Variants in IQCM observed in about 807,000 individuals in gnomAD.
IQCM encodes the protein IQ domain-containing protein M.
A neutral mutation model predicts 57.6 loss-of-function variants in IQCM; 45 were observed. The observed-to-expected ratio is 0.78, with a 90% confidence interval of 0.62 to 1.00. The LOEUF is 1.00. Ranked by LOEUF, IQCM falls within the 50% of genes least tolerant of loss-of-function variation. IQCM has a pLI of 0.00. For missense variants in IQCM, 468 were observed against 511.6 expected (o/e 0.91, Z 0.82); for synonymous variants, 148 against 158.9 (o/e 0.93, Z 0.51).
chr4:149,646,063 T>C (rs1243897383), intron 7 of IQCM, among the ~76,000 whole-genome samples: 2 of 152,174 alleles, frequency 1.3e-5, no homozygotes, highest in African/African-American at 4.8e-5. Context: ...CAACTATACC[T>C]TCTCTAATGA....
chr4:149,749,505 A>G (rs1768231615), intron 2 of IQCM, among the ~76,000 whole-genome samples: 1 of 152,156 alleles, frequency 6.6e-6, no homozygotes, highest in Non-Finnish European at 1.5e-5. Context: ...ACAATAGGAA[A>G]CAGGATAATA....
chr4:149,464,699 A>G (rs915417554), intron 12 of IQCM, among the ~76,000 whole-genome samples: 24 of 152,150 alleles, frequency 1.6e-4, no homozygotes, highest in Non-Finnish European at 4.4e-5. Flanking sequence ...CCAGTTCTCC[A>G]TGATCAGTGC....
chr4:149,405,518 C>T (rs1158263104), intron 13 of IQCM, among the ~76,000 whole-genome samples: 1 of 151,574 alleles, frequency 6.6e-6, no homozygotes, highest in Non-Finnish European at 1.5e-5. Context: ...TGTATCAAAC[C>T]TGCACATTGT....
At chr4:149,790,006 A>C (rs1042866067) in intron 2 of IQCM, 1 of 373,262 alleles carries the variant, frequency 2.7e-6, no homozygotes, top group African/African-American at 2.1e-5. Flanking sequence ...CGAGTTTCCA[A>C]GACACAGATC....
chr4:149,446,497 T>C (rs1469359914), intron 12 of IQCM, among the ~76,000 whole-genome samples: 2 of 151,676 alleles, frequency 1.3e-5, no homozygotes, highest in Non-Finnish European at 3.0e-5. Flanking sequence ...GTGTCCTTTT[T>C]CTGGAGAGGC....
intron 7 of IQCM, among the ~76,000 whole-genome samples, chr4:149,664,938 G>A (rs923673045): frequency 5.9e-5 from 9 of 152,160 alleles, no homozygotes; most frequent in Non-Finnish European, 1.2e-4. Context: ...CTATTAGGCA[G>A]CTTCCTTACT....
At chr4:149,609,713 C>T (rs1468555200) in intron 8 of IQCM, among the ~76,000 whole-genome samples, 4 of 151,868 alleles carry the variant, frequency 2.6e-5, no homozygotes, top group African/African-American at 9.6e-5. Context: ...TCTCAACAAA[C>T]TCGGTATAGG....
At chr4:149,430,018 T>G (rs890318861) in intron 13 of IQCM, 160 of 1,228,904 alleles carry the variant, frequency 1.3e-4, no homozygotes, top group Non-Finnish European at 1.5e-4. Flanking sequence ...TCTGATAATT[T>G]CAGGTGGAAA....
chr4:149,573,301 C>T (rs1474455661), intron 9 of IQCM, among the ~76,000 whole-genome samples: 2 of 151,124 alleles, frequency 1.3e-5, no homozygotes, highest in African/African-American at 4.9e-5. Context: ...GTTATATTAA[C>T]TAAGTGTTTC....
intron 12 of IQCM, among the ~76,000 whole-genome samples, chr4:149,476,800 A>G (rs955879441): frequency 5.9e-5 from 9 of 152,132 alleles, no homozygotes; most frequent in African/African-American, 1.4e-4. Flanking sequence ...CTTGGAGGGT[A>G]AACTTGCCCA....
chr4:149,695,178 G>A (rs1221782954), intron 5 of IQCM, among the ~76,000 whole-genome samples: 1 of 152,084 alleles, frequency 6.6e-6, no homozygotes, highest in Non-Finnish European at 1.5e-5. Context: ...GTTTCTTGAG[G>A]ACAGACATTG....
chr4:149,793,231 G>T (rs1024611222), intron 2 of IQCM, among the ~76,000 whole-genome samples: 3 of 152,152 alleles, frequency 2.0e-5, no homozygotes, highest in African/African-American at 7.2e-5. Context: ...GAGAAATTCA[G>T]ATTTGTTTTT....
chr4:149,789,350 G>A (rs1239597847), intron 2 of IQCM, among the ~76,000 whole-genome samples: 2 of 152,078 alleles, frequency 1.3e-5, no homozygotes, highest in African/African-American at 2.4e-5. Flanking sequence ...ATAACCCAAG[G>A]ATCAGGCCAC....
intron 2 of IQCM, among the ~76,000 whole-genome samples, chr4:149,755,292 C>A (rs1295606851): frequency 6.6e-6 from 1 of 152,090 alleles, no homozygotes; most frequent in Non-Finnish European, 1.5e-5. Context: ...GCTACTGATG[C>A]CTTCCAGTAA....
chr4:149,700,873 T>A (rs1303581075), intron 5 of IQCM, among the ~76,000 whole-genome samples: 5 of 152,052 alleles, frequency 3.3e-5, no homozygotes, highest in Non-Finnish European at 5.9e-5. Flanking sequence ...TGTTAATATT[T>A]TTATTGTGAA....
At chr4:149,636,468 G>A (rs1282422618) in intron 7 of IQCM, among the ~76,000 whole-genome samples, 4 of 152,020 alleles carry the variant, frequency 2.6e-5, no homozygotes, top group South Asian at 2.1e-4. Flanking sequence ...CATGATAGAC[G>A]TGTGTGGATC....
At chr4:149,590,679 C>A (rs1319818244) in intron 8 of IQCM, among the ~76,000 whole-genome samples, 1 of 152,000 alleles carries the variant, frequency 6.6e-6, no homozygotes, top group Non-Finnish European at 1.5e-5. Flanking sequence ...TCAACTCCCA[C>A]TTATGAGTGA....
intron 7 of IQCM, among the ~76,000 whole-genome samples, chr4:149,681,452 T>C (rs1021816774): frequency 3.3e-5 from 5 of 151,266 alleles, no homozygotes; most frequent in East Asian, 1.9e-4. Context: ...TAGAATTTGT[T>C]TGGAAGTGAG....
chr4:149,498,848 G>A (rs926939418), intron 12 of IQCM, among the ~76,000 whole-genome samples: 1 of 152,118 alleles, frequency 6.6e-6, no homozygotes, highest in Non-Finnish European at 1.5e-5. Flanking sequence ...CACCGGTTTG[G>A]GTTAGAAAGG....
Sources: gnomAD v4.1 joint callset for allele counts (sites outside exome capture counted in the v4.1 genomes callset) on GRCh38, gnomAD v4.1.1 for gene constraint, MANE v1.5 for transcripts, NCBI Gene and HGNC (gene_info 2026-07-23, HGNC 2026-07-21) for gene names.